TTC17: variants seen among roughly 807,000 people sequenced by gnomAD.
TTC17 encodes the protein tetratricopeptide repeat domain 17.
TTC17 carries 58 observed loss-of-function variants against 143.8 expected under a neutral mutation model. The ratio of observed to expected loss-of-function variants is 0.40; its 90% CI spans 0.33 to 0.50. The LOEUF is 0.50. Ranked by LOEUF, TTC17 falls within the 20% of genes least tolerant of loss-of-function variation. The pLI is 0.49. For synonymous variants in TTC17, 501 were observed against 497.8 expected (o/e 1.01, Z -0.09); for missense variants, 1,273 against 1,392.5 (o/e 0.91, Z 1.37).
At chr11:43,458,795 T>G (rs1947810510) in intron 21 of TTC17, among the ~76,000 whole-genome samples, 1 of 152,174 alleles carries the variant, frequency 6.6e-6, no homozygotes, top group African/African-American at 2.4e-5. Flanking sequence ...ACAGTATTAA[T>G]AAGACATTTT....
chr11:43,428,459 T>A (rs1181246409), intron 16 of TTC17, among the ~76,000 whole-genome samples: 1 of 152,260 alleles, frequency 6.6e-6, no homozygotes, highest in African/African-American at 2.4e-5. Context: ...GCTGAAAGCC[T>A]GGATTCTTCA....
intron 21 of TTC17, among the ~76,000 whole-genome samples, chr11:43,479,227 G>A (rs1590495248): frequency 6.7e-6 from 1 of 149,232 alleles, no homozygotes; most frequent in South Asian, 2.1e-4. Context: ...GTGACAGAGC[G>A]AGACTCCATC....
chr11:43,492,511 G>A (rs1948492164), intron 23 of TTC17, among the ~76,000 whole-genome samples: 1 of 152,014 alleles, frequency 6.6e-6, no homozygotes, highest in Admixed American at 6.6e-5. Flanking sequence ...TTCCAGGTTG[G>A]GCTAAGGTAC....
intron 21 of TTC17, among the ~76,000 whole-genome samples, chr11:43,485,873 T>A (rs1948369637): frequency 6.8e-6 from 1 of 147,170 alleles, no homozygotes; most frequent in Non-Finnish European, 1.5e-5. Context: ...TGGCAATCTC[T>A]TGGTTTTTTG....
At chr11:43,443,206 G>A (rs1947460988) in intron 16 of TTC17, 119 bp from the exon 17 acceptor site, 3 of 1,130,028 alleles carry the variant, frequency 2.7e-6, no homozygotes, top group South Asian at 1.7e-5. Flanking sequence ...ATTACATTGG[G>A]CTATAGTAGT....
chr11:43,358,977 G>C lies in TTC17; in HGVS notation c.23G>C (p.Arg8Pro), dbSNP rs768705538. Residue 8 changes from arginine (R) to proline (P), a missense_variant, in exon 1 of 24, where the codon CGT (arginine) becomes CCT (proline). By Grantham distance (103) the Arg-to-Pro change is moderately radical (BLOSUM62 -2). Transcript: ENST00000039989. Reference sequence around the variant, plus strand: ...AAGATGGCGGCGGCAGTAGGGGTTCGTGGCCGGTACGAGCTGCCGCCTTGC... The same window carrying C: ...AAGATGGCGGCGGCAGTAGGGGTTCCTGGCCGGTACGAGCTGCCGCCTTGC... MAAAVGVRGRYELPPCSG... is the reference protein window; with the variant it reads MAAAVGVPGRYELPPCSG... 6.3e-7 allele frequency: 1 copy of C among 1,579,682 alleles called. No homozygotes were observed. Among genetic ancestry groups the C allele is most frequent in the African/African-American group, 1.4e-5 (1 of 72,060 alleles).
intron 21 of TTC17, among the ~76,000 whole-genome samples, chr11:43,451,847 T>C (rs1252925074): frequency 6.6e-6 from 1 of 152,204 alleles, no homozygotes; most frequent in Non-Finnish European, 1.5e-5. Context: ...ATTAAAGAGC[T>C]AATTTAACAT....
At chr11:43,449,938 CG>C in intron 19 of TTC17, 143 bp from the exon 20 acceptor site, 1 of 896,322 alleles carries the variant, frequency 1.1e-6, no homozygotes, top group South Asian at 1.9e-5. Flanking sequence ...AAACTTACTT[CG>C]TTTAAAATCA....
At chr11:43,361,972 T>C (rs1856123082) in intron 1 of TTC17, among the ~76,000 whole-genome samples, 1 of 150,738 alleles carries the variant, frequency 6.6e-6, no homozygotes, top group African/African-American at 2.5e-5. Context: ...CCAACCATCA[T>C]TATAACTTTT....
At chr11:43,460,105 A>AT (rs544240364) in intron 21 of TTC17, among the ~76,000 whole-genome samples, 8,383 of 146,432 alleles carry the variant, frequency 0.057, 389 homozygotes, top group African/African-American at 0.13. Flanking sequence ...AACACCCTGG[A>AT]TTTTTTTTTT....
intron 16 of TTC17, among the ~76,000 whole-genome samples, chr11:43,415,368 G>A (rs1204857796): frequency 6.6e-6 from 1 of 152,076 alleles, no homozygotes; most frequent in Non-Finnish European, 1.5e-5. Flanking sequence ...TTCGTTATTA[G>A]AACCTTCTTT....
intron 13 of TTC17, among the ~76,000 whole-genome samples, chr11:43,406,919 A>C (rs1389819925): frequency 1.3e-5 from 2 of 152,186 alleles, no homozygotes; most frequent in African/African-American, 2.4e-5. Context: ...GTGGGGGTAT[A>C]TATGTCTTTT....
intron 16 of TTC17, among the ~76,000 whole-genome samples, chr11:43,432,047 G>A (rs1947171616): frequency 6.6e-6 from 1 of 152,102 alleles, no homozygotes; most frequent in African/African-American, 2.4e-5. Context: ...AGATTTAGAA[G>A]GTAAGAATTC....
chr11:43,401,310 T>C, intron 9 of TTC17, 136 bp from the exon 10 acceptor site: 1 of 568,006 alleles, frequency 1.8e-6, no homozygotes, highest in South Asian at 2.5e-5. Flanking sequence ...TATTTCTCTA[T>C]ATAAGTACGT....
intron 1 of TTC17, among the ~76,000 whole-genome samples, chr11:43,362,594 A>C (rs1164725109): frequency 6.6e-6 from 1 of 152,124 alleles, no homozygotes; most frequent in Non-Finnish European, 1.5e-5. Context: ...ATTACTTGGC[A>C]TGATGGTTAA....
At chr11:43,489,222 G>A (rs184128615) in intron 21 of TTC17, among the ~76,000 whole-genome samples, 1 of 152,188 alleles carries the variant, frequency 6.6e-6, no homozygotes, top group Non-Finnish European at 1.5e-5. Context: ...AAACCTCACA[G>A]AACAATTAAC....
At chr11:43,464,195 G>A (rs898374409) in intron 21 of TTC17, among the ~76,000 whole-genome samples, 7 of 151,758 alleles carry the variant, frequency 4.6e-5, no homozygotes, top group African/African-American at 1.7e-4. Context: ...CAGAAGAATC[G>A]CTTGAACCTG....
At position 43,359,123 on chromosome 11, in the gene TTC17, G is replaced by T. The variant is rs1424525257; in HGVS notation, c.159+10G>T. 1.3e-6 allele frequency: 2 copies of T among 1,576,680 alleles called. No individual in the cohort carries two copies. Among genetic ancestry groups the T allele is most frequent in the Non-Finnish European group, 1.7e-6 (2 of 1,163,728 alleles). On this transcript the variant is annotated intron_variant, in intron 1 of 23. Coordinates refer to ENST00000039989, the MANE Select transcript of TTC17 (RefSeq NM_018259.6). ...GAAAATCCAGCAGCAGGTAGCGGCC[G>T]GGGCGTCCCTCTTCTCCCGTGCCCG...
intron 16 of TTC17, among the ~76,000 whole-genome samples, chr11:43,424,498 G>T (rs1450610571): frequency 6.6e-6 from 1 of 152,102 alleles, no homozygotes; most frequent in African/African-American, 2.4e-5. Context: ...GCTGGGCATG[G>T]TGGCTTCACG....
Sources: gnomAD v4.1 joint callset for allele counts (sites outside exome capture counted in the v4.1 genomes callset) on GRCh38, gnomAD v4.1.1 for gene constraint, MANE v1.5 for transcripts, NCBI Gene and HGNC (gene_info 2026-07-23, HGNC 2026-07-21) for gene names.